Variants in AGBL1 observed in about 807,000 individuals in gnomAD.
AGBL1 encodes AGBL carboxypeptidase 1.
Under a neutral mutation model 118.9 loss-of-function variants are expected in AGBL1, and 130 were observed. That is an observed-to-expected ratio of 1.09 (90% CI 0.95 to 1.26). The LOEUF (loss-of-function observed/expected upper bound fraction) is 1.26. Ranked by LOEUF, AGBL1 falls within the 50% of genes most tolerant of loss-of-function variation. The pLI is 0.00. For synonymous variants in AGBL1, 555 were observed against 478.9 expected, an observed-to-expected ratio of 1.16 and a Z score of -2.08; for missense variants, 1,584 against 1,298.1, an observed-to-expected ratio of 1.22 and a Z score of -3.38.
chr15:87,021,223 G>A (rs566043420), intron 24 of AGBL1, among the ~76,000 whole-genome samples: 4 of 152,148 alleles, frequency 2.6e-5, no homozygotes, highest in South Asian at 4.2e-4. Context: ...TGACAAACCC[G>A]ACAAATCCAG....
chr15:86,861,659 G>A (rs914073038), intron 22 of AGBL1, among the ~76,000 whole-genome samples: 2 of 152,140 alleles, frequency 1.3e-5, no homozygotes, highest in Non-Finnish European at 2.9e-5. Context: ...AATATATTAG[G>A]TATTTAATAT....
chr15:86,116,431 GC>G (rs1567064641), intron 1 of AGBL1: 2 of 152,234 alleles, frequency 1.3e-5, no homozygotes, highest in Non-Finnish European at 2.9e-5. Flanking sequence ...AGCTGGTAAA[GC>G]ATTATTTCTG....
Position 86,726,671 on chromosome 15 carries a change from T to C in AGBL1, c.3158+52235T>C, listed in dbSNP as rs146425949. Among the ~76,000 whole-genome samples, 924 of 152,218 alleles carry C rather than the reference T, an allele frequency of 6.1e-3. 11 individuals are homozygous for C. The highest frequency in any genetic ancestry group is 0.021 in the African/African-American group (876 of 41,522). On this transcript the variant is annotated intron_variant, in intron 22 of 22. Coordinates refer to ENST00000614907, the MANE Select transcript of AGBL1 (RefSeq NM_001386094.1). ...CAACCTCCTGGGCTCAAGCAATCCTTCTACCTCAGACTCCTGAGTAGCTGG... is the reference window on the plus strand; with the variant it reads ...CAACCTCCTGGGCTCAAGCAATCCTCCTACCTCAGACTCCTGAGTAGCTGG...
At chr15:87,022,985 C>T (rs1012124612) in intron 24 of AGBL1, among the ~76,000 whole-genome samples, 1 of 151,964 alleles carries the variant, frequency 6.6e-6, no homozygotes, top group African/African-American at 2.4e-5. Flanking sequence ...GAAACAAATC[C>T]TGGAAACAAC....
In AGBL1 at chr15:86,835,772, C is replaced by T. The variant is rs115869274; in HGVS notation, c.3159-71315C>T. Among the ~76,000 whole-genome samples, 1,121 of 152,158 alleles carry T rather than the reference C, an allele frequency of 7.4e-3. 9 individuals carry two copies. The highest frequency in any genetic ancestry group is 0.017 in the African/African-American group (708 of 41,522). On this transcript the variant is annotated intron_variant, in intron 22 of 22. Coordinates refer to ENST00000614907, the MANE Select transcript of AGBL1 (RefSeq NM_001386094.1). ...TATAGTAGGAGACCTGGGCAGGGAA[C>T]AAAGGGTGCAGGGCATTAGCTGGGA...
intron 5 of AGBL1, among the ~76,000 whole-genome samples, chr15:86,198,224 T>C (rs1555446711): frequency 2.5e-4 from 38 of 152,230 alleles, no homozygotes; most frequent in Non-Finnish European, 5.6e-4. Context: ...AATGCCTGTC[T>C]TATACCTGTC....
intron 3 of AGBL1, among the ~76,000 whole-genome samples, chr15:86,145,751 C>A (rs2141659918): frequency 6.6e-6 from 1 of 152,308 alleles, no homozygotes; most frequent in Non-Finnish European, 1.5e-5. Context: ...GGGCCAGGTG[C>A]TTTAGGCACT....
intron 21 of AGBL1, among the ~76,000 whole-genome samples, chr15:86,626,072 T>A (rs1333994089): frequency 6.6e-6 from 1 of 152,148 alleles, no homozygotes; most frequent in African/African-American, 2.4e-5. Context: ...AAAAAAGGGT[T>A]GCATTTGATT....
intron 18 of AGBL1, among the ~76,000 whole-genome samples, chr15:86,466,869 C>T (rs890291450): frequency 6.6e-6 from 1 of 152,192 alleles, no homozygotes; most frequent in African/African-American, 2.4e-5. Context: ...CCTCTGGAAG[C>T]TTCATCCCAG....
chr15:86,586,440 A>G (rs2142342106), intron 21 of AGBL1, among the ~76,000 whole-genome samples: 1 of 152,302 alleles, frequency 6.6e-6, no homozygotes, highest in East Asian at 1.9e-4. Context: ...TTTTTATCAT[A>G]TACCTTTTAG....
At chr15:86,968,832 G>A (rs1051766817) in intron 23 of AGBL1, among the ~76,000 whole-genome samples, 6 of 151,752 alleles carry the variant, frequency 4.0e-5, no homozygotes, top group African/African-American at 1.5e-4. Flanking sequence ...GTCTGGTAAG[G>A]GCTTGTTACT....
At chr15:86,628,536 C>G (rs1454155869) in intron 21 of AGBL1, among the ~76,000 whole-genome samples, 1 of 152,092 alleles carries the variant, frequency 6.6e-6, no homozygotes, top group Non-Finnish European at 1.5e-5. Flanking sequence ...GTGGCTCATG[C>G]CTGTAATCCC....
At chr15:86,735,887 A>G (rs1468979479) in intron 22 of AGBL1, among the ~76,000 whole-genome samples, 2 of 152,138 alleles carry the variant, frequency 1.3e-5, no homozygotes, top group African/African-American at 4.8e-5. Flanking sequence ...ATTTCAATAA[A>G]GTAGAAATGA....
chr15:86,239,849 A>G (rs2141972986), intron 6 of AGBL1, among the ~76,000 whole-genome samples: 1 of 152,320 alleles, frequency 6.6e-6, no homozygotes, highest in Non-Finnish European at 1.5e-5. Context: ...ACATAGGTGC[A>G]AAGAATGTGA....
At chr15:86,829,725 T>C (rs1214091232) in intron 22 of AGBL1, among the ~76,000 whole-genome samples, 1 of 152,176 alleles carries the variant, frequency 6.6e-6, no homozygotes, top group African/African-American at 2.4e-5. Flanking sequence ...GGGAGAGATA[T>C]AGTCACAGAC....
At position 86,937,901 on chromosome 15, in the gene AGBL1, C is replaced by T. The variant is rs1057363672; in HGVS notation, c.3222-50086C>T. Among the ~76,000 whole-genome samples, 5 of 152,208 alleles carry T rather than the reference C, an allele frequency of 3.3e-5. 1 individual carries two copies. In the South Asian group the frequency reaches 1.0e-3, roughly 32 times the overall value. ...AGGCTCAATCCTTCTACAGCCTGGA[C>T]GTAAAGCATGCAGGGACCTCAAAGT... On this transcript the variant is annotated intron_variant, in intron 23 of 24. Coordinates refer to the AGBL1 transcript ENST00000441037.
rs980439863 is a variant in AGBL1, at chr15:86,680,550, T to C, written c.3158+6114T>C. 2.0e-5 allele frequency among the ~76,000 whole-genome samples: 3 copies of C among 147,438 alleles called. No homozygotes were observed. The Admixed American group carries it at 2.1e-4, about 10-fold the overall frequency. ...TTTTTCTTTTTCTTTTCTTTTTTCT[T>C]TCTTTCTTTCTTTTCTTTTTTTTTT... On this transcript the variant is annotated intron_variant, in intron 22 of 22. Transcript: ENST00000614907.
chr15:86,423,875 A>G (rs186725579), intron 18 of AGBL1, among the ~76,000 whole-genome samples: 45 of 152,330 alleles, frequency 3.0e-4, no homozygotes, highest in African/African-American at 1.0e-3. Flanking sequence ...GCTCAAGGAA[A>G]TAAGAGAGGA....
chr15:86,997,782 G>T (rs1389335357), intron 24 of AGBL1, among the ~76,000 whole-genome samples: 1 of 151,422 alleles, frequency 6.6e-6, no homozygotes, highest in East Asian at 1.9e-4. Flanking sequence ...GAGACTTAAT[G>T]GAAAACCTAA....
Sources: allele counts gnomAD v4.1 joint callset (sites outside exome capture counted in the v4.1 genomes callset), GRCh38; gene constraint gnomAD v4.1.1; transcripts MANE v1.5; gene names NCBI Gene and HGNC (gene_info 2026-07-23, HGNC 2026-07-21).